ANO3: variants seen among roughly 807,000 people sequenced by gnomAD.
ANO3 encodes the protein anoctamin 3.
Under a neutral mutation model 144.8 loss-of-function variants are expected in ANO3, and 99 were observed. The observed-to-expected ratio is 0.68, with a 90% CI of 0.58 to 0.81. The LOEUF is 0.81. ANO3 is among the 30% of genes least tolerant of loss of function. The probability of loss-of-function intolerance (pLI) is 0.00; values close to 1 mark genes in which losing one functional copy is unlikely to be tolerated. For missense variants in ANO3, 905 were observed against 1,202.2 expected (o/e 0.75, Z 3.66); for synonymous variants, 414 against 392.6 (o/e 1.05, Z -0.64).
At position 26,498,753 on chromosome 11, in the gene ANO3, G is replaced by A. The variant is rs190373009; in HGVS notation, c.433-9351G>A. Among the ~76,000 whole-genome samples, 973 of 151,626 alleles carry A rather than the reference G, an allele frequency of 6.4e-3. 2 individuals carry two copies. Among genetic ancestry groups the A allele is most frequent in the Non-Finnish European group, 7.2e-3 (489 of 67,682 alleles). On this transcript the variant is annotated intron_variant, in intron 4 of 26. Coordinates refer to ENST00000256737, the MANE Select transcript of ANO3 (RefSeq NM_031418.4). The stretch of plus-strand genomic sequence containing the variant: ...TTCTCTCAATTAGTCTCAACAGAAC[G>A]AACTAGTATTCTGCTTTTGATGATT...
At chr11:26,594,079 C>G (rs994714947) in intron 14 of ANO3, among the ~76,000 whole-genome samples, 1 of 152,126 alleles carries the variant, frequency 6.6e-6, no homozygotes, top group Non-Finnish European at 1.5e-5. Flanking sequence ...CCAATGCCTC[C>G]CTTAGTCTCT....
At chr11:26,298,607 G>C (rs1003454618) in intron 1 of ANO3, among the ~76,000 whole-genome samples, 3 of 152,122 alleles carry the variant, frequency 2.0e-5, no homozygotes, top group African/African-American at 7.2e-5. Context: ...TTTAAACAAA[G>C]GAGTTGTATT....
At chr11:26,295,973 C>T (rs1315939520) in intron 1 of ANO3, among the ~76,000 whole-genome samples, 1 of 152,226 alleles carries the variant, frequency 6.6e-6, no homozygotes, top group Non-Finnish European at 1.5e-5. Context: ...GTGATATGAA[C>T]ACCCCAATGC....
intron 1 of ANO3, among the ~76,000 whole-genome samples, chr11:26,430,891 G>A (rs1384062896): frequency 6.6e-6 from 1 of 152,132 alleles, no homozygotes; most frequent in Non-Finnish European, 1.5e-5. Flanking sequence ...AATTTTCAAG[G>A]AATTGCACCC....
intron 1 of ANO3, among the ~76,000 whole-genome samples, chr11:26,373,236 C>G (rs1177094824): frequency 6.6e-6 from 1 of 152,154 alleles, no homozygotes; most frequent in Non-Finnish European, 1.5e-5. Flanking sequence ...ATTGTAATCC[C>G]TATAATCCCT....
At chr11:26,204,759 C>T (rs535099790) in intron 1 of ANO3, among the ~76,000 whole-genome samples, 19 of 152,202 alleles carry the variant, frequency 1.2e-4, no homozygotes, top group African/African-American at 4.6e-4. Context: ...CCTTTTATCT[C>T]CCATATTATC....
At chr11:26,642,287 T>A (rs985016369) in intron 22 of ANO3, among the ~76,000 whole-genome samples, 2 of 152,022 alleles carry the variant, frequency 1.3e-5, no homozygotes, top group African/African-American at 4.8e-5. Context: ...AGCAAATATT[T>A]GAAGCAAACA....
intron 1 of ANO3, among the ~76,000 whole-genome samples, chr11:26,357,611 T>C (rs1364585212): frequency 6.6e-6 from 1 of 152,118 alleles, no homozygotes; most frequent in Non-Finnish European, 1.5e-5. Context: ...AGGTATAAGA[T>C]TTGCAAATCC....
At chr11:26,276,047 T>C (rs1422904776) in intron 1 of ANO3, among the ~76,000 whole-genome samples, 2 of 152,124 alleles carry the variant, frequency 1.3e-5, no homozygotes, top group South Asian at 2.1e-4. Context: ...CGGCCAAATA[T>C]GGGTGTTCTG....
At chr11:26,590,901 G>T (rs1256785030) in intron 14 of ANO3, among the ~76,000 whole-genome samples, 2 of 152,068 alleles carry the variant, frequency 1.3e-5, no homozygotes, top group African/African-American at 2.4e-5. Flanking sequence ...TTAGTAGAGT[G>T]AAAACAGAGC....
intron 11 of ANO3, among the ~76,000 whole-genome samples, chr11:26,545,819 A>G (rs1404304760): frequency 6.6e-6 from 1 of 151,880 alleles, no homozygotes; most frequent in Non-Finnish European, 1.5e-5. Flanking sequence ...TCTATTTGGA[A>G]CACAGGAATC....
chr11:26,428,326 G>A (rs1037944639), intron 1 of ANO3, among the ~76,000 whole-genome samples: 10 of 152,202 alleles, frequency 6.6e-5, no homozygotes, highest in Non-Finnish European at 1.5e-4. Context: ...CGGGAAAATT[G>A]ATTTAGATTG....
chr11:26,498,203 C>G (rs988812389), intron 4 of ANO3, among the ~76,000 whole-genome samples: 13 of 151,912 alleles, frequency 8.6e-5, no homozygotes, highest in Non-Finnish European at 1.8e-4. Context: ...GTAGATACAA[C>G]TGTAATTGAC....
At chr11:26,624,190 T>C (rs1372938335) in intron 17 of ANO3, among the ~76,000 whole-genome samples, 1 of 152,228 alleles carries the variant, frequency 6.6e-6, no homozygotes, top group Non-Finnish European at 1.5e-5. Context: ...AAAATGAAGA[T>C]AGCTACCAGA....
At chr11:26,307,069 G>C (rs1854400599), upstream of ANO3, among the ~76,000 whole-genome samples, 2 of 152,026 alleles carry the variant, frequency 1.3e-5, no homozygotes, top group African/African-American at 4.8e-5. Flanking sequence ...TTAATAAATA[G>C]GGTTGGCTGG....
intron 1 of ANO3, among the ~76,000 whole-genome samples, chr11:26,299,876 T>A (rs1854185313): frequency 6.6e-6 from 1 of 152,160 alleles, no homozygotes; most frequent in African/African-American, 2.4e-5. Flanking sequence ...GGGTGGGAGC[T>A]GTGGAAGTTT....
At chr11:26,435,093 G>C (rs1858246574) in intron 1 of ANO3, among the ~76,000 whole-genome samples, 1 of 152,146 alleles carries the variant, frequency 6.6e-6, no homozygotes, top group Non-Finnish European at 1.5e-5. Flanking sequence ...TTATGAATCT[G>C]GGCGCTCCTA....
chr11:26,240,092 T>C (rs1490262552), intron 1 of ANO3, among the ~76,000 whole-genome samples: 1 of 152,192 alleles, frequency 6.6e-6, no homozygotes, highest in Admixed American at 6.5e-5. Flanking sequence ...CTCCTCCGTG[T>C]CACATAATTT....
intron 1 of ANO3, among the ~76,000 whole-genome samples, chr11:26,424,469 T>C (rs1857860953): frequency 6.6e-6 from 1 of 152,096 alleles, no homozygotes; most frequent in African/African-American, 2.4e-5. Flanking sequence ...TGTTTTTCAG[T>C]GGCCTTCAGC....
Sources: allele counts gnomAD v4.1 joint callset (sites outside exome capture counted in the v4.1 genomes callset), GRCh38; gene constraint gnomAD v4.1.1; transcripts MANE v1.5; gene names NCBI Gene and HGNC (gene_info 2026-07-23, HGNC 2026-07-21).